Variants in CMPK2 observed in about 807,000 individuals in gnomAD.
The protein encoded by CMPK2 is cytidine/uridine monophosphate kinase 2.
Under a neutral mutation model 33.4 loss-of-function variants are expected in CMPK2, and 32 were observed. The observed-to-expected ratio is 0.96, with a 90% CI of 0.72 to 1.29. The LOEUF (loss-of-function observed/expected upper bound fraction) is 1.29, where lower values mean the gene tolerates loss of function less well. CMPK2 is among the 50% of genes most tolerant of loss of function. The pLI is 0.00. For synonymous variants in CMPK2, 299 were observed against 275.3 expected, an observed-to-expected ratio of 1.09 and a Z score of -0.85; for missense variants, 672 against 616.0, an observed-to-expected ratio of 1.09 and a Z score of -0.96.
Position 6,848,830 on chromosome 2 carries a change from A to T in CMPK2, c.*1020T>A. ...TCTAAAGATATGTCAAAGCGATTTC[A>T]TATGTAATCATGAGACATTCAAGTG... On this transcript the variant is annotated 3_prime_UTR_variant, in exon 5 of 5. Coordinates refer to ENST00000256722, the MANE Select transcript of CMPK2 (RefSeq NM_207315.4). 4.1e-6 allele frequency: 4 copies of T among 985,830 alleles called. No homozygotes were observed. The highest frequency in any genetic ancestry group is 4.8e-6 in the Non-Finnish European group (4 of 829,892). 61.1% of individuals were successfully genotyped at this position (985,830 alleles called of 1,614,324 possible). A position where few individuals can be genotyped will look rare whatever the true frequency, so the allele number is the denominator to read the frequency against.
intron 1 of CMPK2, chr2:6,864,532 G>A (rs1254483193): frequency 6.6e-6 from 1 of 152,658 alleles, no homozygotes; most frequent in East Asian, 1.9e-4. Context: ...CGCAAGATGG[G>A]AATTGTACAT....
Position 6,865,571 on chromosome 2 carries a change from CA to C in CMPK2, c.125del (p.Leu42ArgfsTer6). On this transcript the variant is annotated frameshift_variant, in exon 1 of 5. Transcript: ENST00000256722. LOFTEE classifies it high-confidence loss of function. The part of the protein sequence containing the change: ...RFVLELPDCT[L>X]AHFALGADAP... ...CGTCGGCGCCTAGGGCGAAGTGAGC[CA>C]GGGTGCAGTCGGGAAGCTCCAGGAC... 7.3e-7 allele frequency: 1 copy of C among 1,368,090 alleles called. No homozygotes were observed. Among genetic ancestry groups the C allele is most frequent in the Non-Finnish European group, 9.4e-7 (1 of 1,060,570 alleles). The allele number at this position is 1,368,090 out of a possible 1,614,324, so 84.7% of individuals were successfully genotyped here. A position where few individuals can be genotyped will look rare whatever the true frequency, so the allele number is the denominator to read the frequency against.
intron 1 of CMPK2, 46 bp downstream of exon 1, chr2:6,864,976 G>T: frequency 7.2e-7 from 1 of 1,387,948 alleles, no homozygotes; most frequent in South Asian, 1.7e-5. Flanking sequence ...CTGGTCTGAA[G>T]GGTTCAGATG....
In CMPK2 at chr2:6,843,166, G is replaced by T. The variant is rs183187294; in HGVS notation, c.993-2488C>A. 2.0e-3 allele frequency among the ~76,000 whole-genome samples: 308 copies of T among 152,312 alleles called. 2 individuals carry two copies. Among genetic ancestry groups the T allele is most frequent in the Non-Finnish European group, 5.1e-4 (35 of 68,030 alleles). On this transcript the variant is annotated intron_variant, in intron 3 of 3. Transcript: ENST00000458098. ...TCCAAGTCAACTTGGTAGCCTGATT[G>T]GAGGGATCCTCTAAAGCAAACAAGT...
At chr2:6,850,766 G>A in intron 4 of CMPK2, 1 of 984,442 alleles carries the variant, frequency 1.0e-6, no homozygotes, top group Non-Finnish European at 1.2e-6. Context: ...ATGATAACAG[G>A]GCTATCATTG....
downstream of CMPK2, among the ~76,000 whole-genome samples, chr2:6,845,565 G>A (rs75514358): frequency 5.2e-3 from 790 of 152,276 alleles, 7 homozygotes; most frequent in African/African-American, 0.018. Flanking sequence ...AGTAGGGCAG[G>A]ACTAGTCATG....
intron 3 of CMPK2, among the ~76,000 whole-genome samples, chr2:6,859,431 A>T (rs946771463): frequency 2.0e-5 from 3 of 152,084 alleles, no homozygotes; most frequent in Admixed American, 2.0e-4. Context: ...CCCATCACAG[A>T]CCCCGAGGTT....
chr2:6,863,019 TG>T (rs1662928143), intron 2 of CMPK2, among the ~76,000 whole-genome samples: 1 of 152,196 alleles, frequency 6.6e-6, no homozygotes, highest in South Asian at 2.1e-4. Flanking sequence ...TTCCACATTT[TG>T]CTCCAGAAGA....
intron 3 of CMPK2, among the ~76,000 whole-genome samples, chr2:6,859,241 G>C (rs539796252): frequency 6.6e-6 from 1 of 152,200 alleles, no homozygotes; most frequent in Non-Finnish European, 1.5e-5. Context: ...TGGAAACAGA[G>C]CATAAAAGTT....
chr2:6,849,818 A>T lies in CMPK2; in HGVS notation c.*32T>A. The T allele has an allele frequency of 1.2e-6, 2 of 1,612,726 alleles. No homozygotes were observed. The highest frequency in any genetic ancestry group is 1.7e-6 in the Non-Finnish European group (2 of 1,179,590). ...ATGTAGATGTTTCAAACAACATCTA[A>T]TCTAGTTAGACGTGGCACCTGGCCA... On this transcript the variant is annotated 3_prime_UTR_variant, in exon 5 of 5. Coordinates refer to ENST00000256722, the MANE Select transcript of CMPK2 (RefSeq NM_207315.4).
chr2:6,842,334 G>A (rs532518500), intron 3 of CMPK2, among the ~76,000 whole-genome samples: 42 of 152,316 alleles, frequency 2.8e-4, no homozygotes, highest in South Asian at 1.9e-3. Flanking sequence ...TTGAGGAGGC[G>A]ATTATCTGTT....
chr2:6,864,383 C>T lies in CMPK2; in HGVS notation c.675+639G>A, dbSNP rs890772190. 6 of 152,214 alleles carry T rather than the reference C, an allele frequency of 3.9e-5. No homozygotes were observed. The South Asian group carries it at 6.2e-4, about 16-fold the overall frequency. The allele number at this position is 152,214 out of a possible 1,614,324, so 9.4% of individuals were successfully genotyped here. On this transcript the variant is annotated intron_variant, in intron 1 of 4. Coordinates refer to ENST00000256722, the MANE Select transcript of CMPK2 (RefSeq NM_207315.4). The stretch of plus-strand genomic sequence containing the variant: ...CTGTCCCGTAAGCTTGGAAAATATT[C>T]CCAAGATCCATGGGGGCATCCTCAG...
downstream of CMPK2, among the ~76,000 whole-genome samples, chr2:6,844,438 C>G (rs921424014): frequency 1.3e-5 from 2 of 152,230 alleles, no homozygotes; most frequent in Non-Finnish European, 2.9e-5. Flanking sequence ...TAATGCCTCT[C>G]TCAGCCTTTC....
Position 6,865,525 on chromosome 2 carries a change from G to A in CMPK2, c.172C>T (p.Pro58Ser). 1.5e-6 allele frequency: 2 copies of A among 1,292,356 alleles called. No individual in the cohort carries two copies. Among genetic ancestry groups the A allele is most frequent in the African/African-American group, 1.6e-5 (1 of 64,462 alleles). The allele number at this position is 1,292,356 out of a possible 1,614,324, so 80.1% of individuals were successfully genotyped here. A position where few individuals can be genotyped will look rare whatever the true frequency, so the allele number is the denominator to read the frequency against. The change falls in exon 1 of 5, where the codon CCC (proline) becomes TCC (serine). Residue 58 changes from proline to serine, a missense_variant. Physicochemically the swap from Pro to Ser is moderately conservative, Grantham distance 74. Coordinates refer to ENST00000256722, the MANE Select transcript of CMPK2 (RefSeq NM_207315.4). ...AGCAGCGCCGCCAGGCGGGGGTCGG[G>A]GGCGTCTGCGTCGCCGGGGGCGTCG... ...GADAPGDADA[P>S]DPRLAALLGP...
At chr2:6,855,320 T>TGCCCCTGCCC (rs1558324121) in intron 3 of CMPK2, among the ~76,000 whole-genome samples, 7 of 91,958 alleles carry the variant, frequency 7.6e-5, no homozygotes, top group African/African-American at 2.0e-4. Flanking sequence ...CGCCTCTGCC[T>TGCCCCTGCCC]CTGCCCCTGC....
downstream of CMPK2, chr2:6,848,277 A>T: frequency 1.2e-6 from 1 of 866,274 alleles, no homozygotes; most frequent in African/African-American, 1.8e-5. Flanking sequence ...CTGAGAAAGC[A>T]CTTTTCAGAC....
rs76042322 is a variant in CMPK2 at position 6,858,223 on chromosome 2, T to A, written c.992+2961A>T. 2.0e-4 allele frequency among the ~76,000 whole-genome samples: 31 copies of A among 151,808 alleles called. No homozygotes were observed. In the South Asian group the frequency reaches 2.1e-3, roughly 10 times the overall value. On this transcript the variant is annotated intron_variant, in intron 3 of 4. Transcript: ENST00000256722. Reference sequence around the variant, plus strand: ...TTTTCACATTTGCCTTTTTTTTTTTTAAATCAGGGCTCTGACTAATGGTGC... The same window carrying A: ...TTTTCACATTTGCCTTTTTTTTTTTAAAATCAGGGCTCTGACTAATGGTGC...
At position 6,865,216 on chromosome 2, in the gene CMPK2, A is replaced by C. The variant is rs748836528; in HGVS notation, c.481T>G (p.Leu161Val). The change falls in exon 1 of 5, where the codon TTG (leucine) becomes GTG (valine). Residue 161 changes from leucine to valine, a missense_variant. By Grantham distance (32) the Leu-to-Val change is conservative. Coordinates refer to ENST00000256722, the MANE Select transcript of CMPK2 (RefSeq NM_207315.4). ...GACQEAPRPHLGEFEADPRGQ... is the reference protein window; with the variant it reads ...GACQEAPRPHVGEFEADPRGQ... ...CGCGGGTCGGCCTCGAACTCGCCCA[A>C]GTGCGGGCGTGGTGCCTCCTGACAG... is the stretch of plus-strand genomic sequence containing the variant. 1 of 1,534,892 alleles carries C rather than the reference A, an allele frequency of 6.5e-7. No homozygotes were observed. Among genetic ancestry groups the C allele is most frequent in the Admixed American group, 1.9e-5 (1 of 51,682 alleles).
Position 6,865,272 on chromosome 2 carries a change from G to T in CMPK2, c.425C>A (p.Thr142Asn). The T allele has an allele frequency of 1.3e-6, 2 of 1,535,622 alleles. No homozygotes were observed. Among genetic ancestry groups the T allele is most frequent in the South Asian group, 1.2e-5 (1 of 84,426 alleles). ...LLRDPLDDPD[T>N]RQALLELLGA... ...CAGCAGCTCGAGCAGCGCTTGCCGG[G>T]TGTCAGGGTCATCCAGGGGGTCGCG... The change falls in exon 1 of 5, where the codon ACC becomes AAC. Residue 142 changes from threonine to asparagine, a missense_variant. Physicochemically the swap from Thr to Asn is moderately conservative, Grantham distance 65. Transcript: ENST00000256722.
Sources: gnomAD v4.1 joint callset for allele counts (sites outside exome capture counted in the v4.1 genomes callset) on GRCh38, gnomAD v4.1.1 for gene constraint, MANE v1.5 for transcripts, NCBI Gene and HGNC (gene_info 2026-07-23, HGNC 2026-07-21) for gene names.